Variants in NTRK3 observed in about 807,000 individuals in gnomAD.
NTRK3 encodes NT-3 growth factor receptor.
Under a neutral mutation model 91.7 loss-of-function variants are expected in NTRK3, and 24 were observed. The ratio of observed to expected loss-of-function variants is 0.26; its 90% CI spans 0.19 to 0.37. NTRK3 has a LOEUF of 0.37. Among genes scored for constraint, NTRK3 ranks in the 10% least tolerant of loss-of-function variants. The pLI is 1.00. For synonymous variants in NTRK3, 483 were observed against 404.0 expected, an observed-to-expected ratio of 1.20 and a Z score of -2.34; for missense variants, 880 against 1,068.9, an observed-to-expected ratio of 0.82 and a Z score of 2.46.
chr15:88,002,182 T>G (rs558912982), intron 14 of NTRK3, among the ~76,000 whole-genome samples: 24 of 147,894 alleles, frequency 1.6e-4, no homozygotes, highest in South Asian at 1.5e-3. Context: ...TTTTTTTTTT[T>G]TTTTTTTTTT....
At chr15:87,966,711 T>C (rs1299040432) in intron 14 of NTRK3, among the ~76,000 whole-genome samples, 1 of 152,130 alleles carries the variant, frequency 6.6e-6, no homozygotes, top group Non-Finnish European at 1.5e-5. Flanking sequence ...GGGTAAGGAA[T>C]TCTGGTTTAG....
chr15:88,192,284 A>T (rs899203520), intron 3 of NTRK3, among the ~76,000 whole-genome samples: 3 of 152,070 alleles, frequency 2.0e-5, no homozygotes, highest in Admixed American at 1.3e-4. Flanking sequence ...GCGAGATTTC[A>T]CCTGGGAGCC....
At chr15:88,102,722 G>A (rs1413655643) in intron 13 of NTRK3, among the ~76,000 whole-genome samples, 3 of 152,022 alleles carry the variant, frequency 2.0e-5, no homozygotes, top group Admixed American at 6.6e-5. Context: ...ATCCCCCTCC[G>A]AAATCTCCCC....
chr15:88,247,113 A>G (rs1254950165), intron 3 of NTRK3, among the ~76,000 whole-genome samples: 1 of 152,216 alleles, frequency 6.6e-6, no homozygotes, highest in East Asian at 1.9e-4. Flanking sequence ...GCCTGTGCCA[A>G]GACTCCCCCA....
intron 17 of NTRK3, among the ~76,000 whole-genome samples, chr15:87,907,949 T>C (rs561558518): frequency 1.3e-5 from 2 of 152,290 alleles, no homozygotes; most frequent in South Asian, 4.2e-4. Context: ...GTGACCATCC[T>C]GAGCATCAGG....
At chr15:88,138,763 G>A (rs946662479) in intron 6 of NTRK3, among the ~76,000 whole-genome samples, 1 of 152,120 alleles carries the variant, frequency 6.6e-6, no homozygotes, top group Non-Finnish European at 1.5e-5. Flanking sequence ...TATCACTACT[G>A]GCATCACTTT....
chr15:88,087,520 G>T (rs2048613157), intron 13 of NTRK3, among the ~76,000 whole-genome samples: 2 of 152,222 alleles, frequency 1.3e-5, no homozygotes, highest in South Asian at 4.1e-4. Context: ...ACAGGAGGAA[G>T]AGAGTGTAGG....
At chr15:88,024,208 G>A (rs975004747) in intron 14 of NTRK3, among the ~76,000 whole-genome samples, 2 of 152,208 alleles carry the variant, frequency 1.3e-5, no homozygotes, top group African/African-American at 4.8e-5. Context: ...TGATGTCCCA[G>A]CTAAAGAGAC....
At chr15:87,979,885 G>C (rs4887342) in intron 14 of NTRK3, among the ~76,000 whole-genome samples, 89,173 of 151,922 alleles carry the variant, frequency 0.59, 26,779 homozygotes, top group East Asian at 0.78. Context: ...AGAAGGCTAT[G>C]CTTTCCCAGA....
intron 14 of NTRK3, among the ~76,000 whole-genome samples, chr15:88,022,726 G>C (rs1200838768): frequency 1.3e-5 from 2 of 152,046 alleles, no homozygotes; most frequent in Non-Finnish European, 2.9e-5. Context: ...AGCTGGCTGG[G>C]GGTCTCATCA....
At chr15:87,894,469 T>C (rs140164514) in intron 17 of NTRK3, among the ~76,000 whole-genome samples, 45 of 152,326 alleles carry the variant, frequency 3.0e-4, no homozygotes, top group Admixed American at 7.2e-4. Context: ...CAGTCATAGA[T>C]ACAGACCTGG....
At chr15:88,096,276 C>G (rs1360629035) in intron 13 of NTRK3, among the ~76,000 whole-genome samples, 1 of 152,164 alleles carries the variant, frequency 6.6e-6, no homozygotes, top group Non-Finnish European at 1.5e-5. Context: ...ATCCAGAGAG[C>G]CCCCAGCATC....
chr15:88,052,588 G>A (rs966268123), intron 13 of NTRK3, among the ~76,000 whole-genome samples: 1 of 152,196 alleles, frequency 6.6e-6, no homozygotes, highest in African/African-American at 2.4e-5. Context: ...TGCATTGTAT[G>A]ATACTTTAAA....
intron 3 of NTRK3, among the ~76,000 whole-genome samples, chr15:88,215,440 C>T (rs1022277158): frequency 2.0e-5 from 3 of 152,210 alleles, no homozygotes; most frequent in Non-Finnish European, 4.4e-5. Context: ...TCTCCGTTGA[C>T]GCAGAGCTCC....
intron 13 of NTRK3, among the ~76,000 whole-genome samples, chr15:88,056,684 G>A (rs933933601): frequency 1.2e-4 from 18 of 152,194 alleles, no homozygotes; most frequent in African/African-American, 3.6e-4. Context: ...GTTCCGCATG[G>A]TCTGAGAATC....
chr15:88,159,390 G>A lies in NTRK3; in HGVS notation c.396-11987C>T, dbSNP rs535623723. ...TTGAGGGGAGAGGTTCTCCCATTCC[G>A]GGTATCAGAATCACCTGGAGGCTTG... On this transcript the variant is annotated intron_variant, in intron 5 of 18. Transcript: ENST00000394480. Among the ~76,000 whole-genome samples the A allele has an allele frequency of 3.5e-4, 53 of 152,282 alleles. 2 individuals carry two copies. The South Asian group carries it at 6.0e-3, about 17-fold the overall frequency.
At chr15:88,160,234 G>A (rs1329579984) in intron 5 of NTRK3, among the ~76,000 whole-genome samples, 3 of 152,178 alleles carry the variant, frequency 2.0e-5, no homozygotes, top group Admixed American at 2.0e-4. Context: ...TGAGCAGAGA[G>A]AGGGAAGAGA....
chr15:88,110,313 T>C (rs2051196015), intron 13 of NTRK3, among the ~76,000 whole-genome samples: 2 of 152,156 alleles, frequency 1.3e-5, no homozygotes, highest in South Asian at 4.1e-4. Flanking sequence ...CGTCTTCCTG[T>C]CTGCAGGCAC....
At chr15:88,143,605 C>G (rs1243201942) in intron 6 of NTRK3, among the ~76,000 whole-genome samples, 1 of 152,130 alleles carries the variant, frequency 6.6e-6, no homozygotes, top group Admixed American at 6.5e-5. Flanking sequence ...TCCTTCTTCA[C>G]AAATTTATTA....
Sources: allele counts gnomAD v4.1 joint callset (sites outside exome capture counted in the v4.1 genomes callset), GRCh38; gene constraint gnomAD v4.1.1; transcripts MANE v1.5; gene names NCBI Gene and HGNC (gene_info 2026-07-23, HGNC 2026-07-21).